C17orf99: variants seen among roughly 807,000 people sequenced by gnomAD.
C17orf99 encodes chromosome 17 open reading frame 99.
C17orf99 carries 18 observed loss-of-function variants against 22.6 expected under a neutral mutation model. The ratio of observed to expected loss-of-function variants is 0.80; its 90% CI spans 0.55 to 1.18. C17orf99 has a LOEUF of 1.18. Ranked by LOEUF, C17orf99 falls within the 50% of genes most tolerant of loss-of-function variation. The pLI, the probability that C17orf99 is intolerant of heterozygous loss-of-function variation, is 0.00. For missense variants in C17orf99, 328 were observed against 342.7 expected (o/e 0.96, Z 0.34); for synonymous variants, 147 against 136.6 (o/e 1.08, Z -0.53).
In C17orf99 at chr17:78,146,969, A is replaced by T; in HGVS notation, c.70+58A>T. 6.7e-7 allele frequency: 1 copy of T among 1,481,602 alleles called. No homozygotes were observed. The allele number at this position is 1,481,602 out of a possible 1,614,324, so 91.8% of individuals were successfully genotyped here. A position where few individuals can be genotyped will look rare whatever the true frequency, so the allele number is the denominator to read the frequency against. On this transcript the variant is annotated intron_variant, in intron 2 of 4. Transcript: ENST00000340363. The surrounding 1 kb of genome is among the most constrained non-coding windows in gnomAD (Gnocchi z 5.2). ...CCCCAGCTGGGACCCTGGTGTCAGAACCCCCATGGTGGAGGGCGCCTCGGC... is the reference window on the plus strand; with the variant it reads ...CCCCAGCTGGGACCCTGGTGTCAGATCCCCCATGGTGGAGGGCGCCTCGGC...
At position 78,147,254 on chromosome 17, in the gene C17orf99, C is replaced by CG. The variant is rs142710667; in HGVS notation, c.70+343_70+344insG. Among the ~76,000 whole-genome samples the CG allele has an allele frequency of 3.6e-3, 551 of 152,338 alleles. 4 individuals carry two copies. Among genetic ancestry groups the CG allele is most frequent in the African/African-American group, 0.012 (518 of 41,582 alleles). Reference sequence around the variant, plus strand: ...CCCTGATCGGGAGCAGAAGCCCCCCCTGAGACCCTCACAGCTCTGCCCGGT... The same window carrying CG: ...CCCTGATCGGGAGCAGAAGCCCCCCCGTGAGACCCTCACAGCTCTGCCCGGT... On this transcript the variant is annotated intron_variant, in intron 2 of 4. Transcript: ENST00000340363.
rs551134286 is a variant in C17orf99 at position 78,151,969 on chromosome 17, G to T, written c.70+5058G>T. Among the ~76,000 whole-genome samples the T allele has an allele frequency of 2.4e-3, 368 of 152,178 alleles. 4 individuals carry two copies. The highest frequency in any genetic ancestry group is 2.0e-3 in the Non-Finnish European group (138 of 68,006). ...GAGAGGGGTAGCACAATCTGGAAGG[G>T]CCTTGGAGTCACTCAGAGCACCAGC... On this transcript the variant is annotated intron_variant, in intron 2 of 4. Coordinates refer to ENST00000340363, the MANE Select transcript of C17orf99 (RefSeq NM_001163075.2).
intron 2 of C17orf99, 146 bp downstream of exon 2, chr17:78,147,057 T>C: frequency 1.4e-6 from 1 of 730,462 alleles, no homozygotes; most frequent in Non-Finnish European, 2.4e-6. Context: ...TCTGGAACAC[T>C]CTCTTCACCC....
chr17:78,161,709 C>T lies in C17orf99; in HGVS notation c.370+455C>T, dbSNP rs146771797. Among the ~76,000 whole-genome samples the T allele has an allele frequency of 6.6e-5, 10 of 151,620 alleles. No individual in the cohort carries two copies. In the East Asian group the frequency reaches 1.6e-3, roughly 24 times the overall value. Reference sequence around the variant, plus strand: ...AATTACAAAGATTAGCTGGGCGTGGCGGGGTGCACCTGTAGTTCCAGCTAC... The same window carrying T: ...AATTACAAAGATTAGCTGGGCGTGGTGGGGTGCACCTGTAGTTCCAGCTAC... On this transcript the variant is annotated intron_variant, in intron 3 of 4. Transcript: ENST00000340363.
chr17:78,163,565 G>A (rs984589323), intron 3 of C17orf99, among the ~76,000 whole-genome samples: 3 of 152,112 alleles, frequency 2.0e-5, no homozygotes, highest in Admixed American at 2.0e-4. Context: ...TCTGAAATAC[G>A]CTACACAAGA....
At chr17:78,158,936 G>T in intron 2 of C17orf99, 2 of 163,078 alleles carry the variant, frequency 1.2e-5, no homozygotes. Context: ...AAAAGACTGG[G>T]GACCAGCCCC....
chr17:78,149,669 G>A (rs1003618684), intron 2 of C17orf99, among the ~76,000 whole-genome samples: 1 of 151,818 alleles, frequency 6.6e-6, no homozygotes, highest in Non-Finnish European at 1.5e-5. Flanking sequence ...AAGTACCTGG[G>A]ACTACAGGCA....
chr17:78,160,444 G>A (rs1332731995), intron 2 of C17orf99, among the ~76,000 whole-genome samples: 3 of 151,478 alleles, frequency 2.0e-5, no homozygotes, highest in African/African-American at 7.3e-5. Flanking sequence ...GCTGAAGCAG[G>A]AGAATCACTT....
rs547740592 is a variant in C17orf99 at position 78,164,114 on chromosome 17, G to A, written c.390G>A (p.Arg130=). Residue 130 remains arginine (R), a synonymous_variant, in exon 4 of 5, where the codon CGG becomes CGA. Coordinates refer to ENST00000340363, the MANE Select transcript of C17orf99 (RefSeq NM_001163075.2). ...TGCCAGAGCCAGTGTCTGAGCTGCG[G>A]GCCAACTTCACTCTGCAGGACAGAG... ...ELWSKPVSEL[R]ANFTLQDRGA... 2 of 1,551,700 alleles carry A rather than the reference G, an allele frequency of 1.3e-6. No individual in the cohort carries two copies. Among genetic ancestry groups the A allele is most frequent in the East Asian group, 2.4e-5 (1 of 40,922 alleles).
At chr17:78,157,500 G>A in intron 2 of C17orf99, 2 of 1,217,518 alleles carry the variant, frequency 1.6e-6, no homozygotes, top group Non-Finnish European at 2.3e-6. Flanking sequence ...TCAGCATTGT[G>A]TAAAAATGAC....
chr17:78,155,048 T>C (rs956102749), intron 2 of C17orf99, among the ~76,000 whole-genome samples: 2 of 151,518 alleles, frequency 1.3e-5, no homozygotes, highest in African/African-American at 2.4e-5. Context: ...TTCTTCGCGG[T>C]GGGGGCTGAC....
intron 2 of C17orf99, among the ~76,000 whole-genome samples, chr17:78,154,531 G>T (rs950483768): frequency 6.6e-6 from 1 of 151,846 alleles, no homozygotes; most frequent in Admixed American, 6.6e-5. Context: ...CTGGGTGACA[G>T]GGTAAGACTT....
chr17:78,156,407 C>T (rs2075525720), intron 2 of C17orf99, among the ~76,000 whole-genome samples: 1 of 151,072 alleles, frequency 6.6e-6, no homozygotes, highest in Non-Finnish European at 1.5e-5. Flanking sequence ...AGATGTTTTC[C>T]ACAATGAAAT....
rs2075442041 is a variant in C17orf99, at chr17:78,146,941, GT to G, written c.70+31del. The G allele has an allele frequency of 2.6e-6, 4 of 1,548,648 alleles. No homozygotes were observed. The South Asian group carries it at 4.8e-5, about 18-fold the overall frequency. On this transcript the variant is annotated intron_variant, in intron 2 of 4. Coordinates refer to ENST00000340363, the MANE Select transcript of C17orf99 (RefSeq NM_001163075.2). This position sits in a 1 kb window ranked among gnomAD's most constrained non-coding sequence, Gnocchi z 5.2. ...GTGGCATAGCCTGCTGCAGGGAGAAGTCCCCCAGCTGGGACCCTGGTGTCAG... is the reference window on the plus strand; with the variant it reads ...GTGGCATAGCCTGCTGCAGGGAGAAGCCCCCAGCTGGGACCCTGGTGTCAG...
At chr17:78,163,589 G>A (rs1315691095) in intron 3 of C17orf99, among the ~76,000 whole-genome samples, 2 of 152,188 alleles carry the variant, frequency 1.3e-5, no homozygotes, top group Non-Finnish European at 1.5e-5. Context: ...AAACCAGGCC[G>A]GGCACGGTGG....
chr17:78,157,097 A>C (rs2075531553), intron 2 of C17orf99, among the ~76,000 whole-genome samples: 1 of 152,068 alleles, frequency 6.6e-6, no homozygotes, highest in Non-Finnish European at 1.5e-5. Context: ...TGGGAGGCCG[A>C]GGTGGGTGGA....
chr17:78,150,788 G>C (rs896748043), intron 2 of C17orf99, among the ~76,000 whole-genome samples: 3 of 152,080 alleles, frequency 2.0e-5, no homozygotes, highest in Non-Finnish European at 2.9e-5. Flanking sequence ...GGAAGGTTGA[G>C]GATACAGGGG....
At chr17:78,150,235 A>C (rs35998404) in intron 2 of C17orf99, among the ~76,000 whole-genome samples, 78,542 of 150,748 alleles carry the variant, frequency 0.52, 21,025 homozygotes, top group East Asian at 0.75. Context: ...TCTCAGACTC[A>C]AGCTCAAGTG....
In C17orf99 at chr17:78,166,085, C is replaced by A; in HGVS notation, c.*39C>A. 1.3e-6 allele frequency: 1 copy of A among 752,026 alleles called. No individual in the cohort carries two copies. The highest frequency in any genetic ancestry group is 4.5e-5 in the South Asian group (1 of 22,198). 46.6% of individuals were successfully genotyped at this position (752,026 alleles called of 1,614,324 possible). A position where few individuals can be genotyped will look rare whatever the true frequency, so the allele number is the denominator to read the frequency against. On this transcript the variant is annotated 3_prime_UTR_variant, in exon 5 of 5. Coordinates refer to ENST00000340363, the MANE Select transcript of C17orf99 (RefSeq NM_001163075.2). Reference sequence around the variant, plus strand: ...GAGAGCCAAGCACGGCAGAGGACTGCAGGCCATCAGCGTGCACTGTTCGTA... The same window carrying A: ...GAGAGCCAAGCACGGCAGAGGACTGAAGGCCATCAGCGTGCACTGTTCGTA...
Sources: gnomAD v4.1 joint callset for allele counts (sites outside exome capture counted in the v4.1 genomes callset) on GRCh38, gnomAD v4.1.1 for gene constraint, Gnocchi (gnomAD v3.1) non-coding constraint, MANE v1.5 for transcripts, NCBI Gene and HGNC (gene_info 2026-07-23, HGNC 2026-07-21) for gene names.